AFAP1: variants seen among roughly 807,000 people sequenced by gnomAD.
AFAP1 encodes actin filament-associated protein 1.
AFAP1 carries 75 observed loss-of-function variants against 93.9 expected under a neutral mutation model. The ratio of observed to expected loss-of-function variants is 0.80; its 90% CI spans 0.66 to 0.97. The LOEUF is 0.97. Among genes scored for constraint, AFAP1 ranks in the 50% least tolerant of loss-of-function variants. The pLI, the probability that AFAP1 is intolerant of heterozygous loss-of-function variation, is 0.00. For missense variants in AFAP1, 1,201 were observed against 1,050.8 expected, an observed-to-expected ratio of 1.14 and a Z score of -1.98; for synonymous variants, 517 against 430.7, an observed-to-expected ratio of 1.20 and a Z score of -2.48.
At chr4:7,808,275 G>T (rs1224345425) in intron 9 of AFAP1, among the ~76,000 whole-genome samples, 1 of 152,294 alleles carries the variant, frequency 6.6e-6, no homozygotes, top group African/African-American at 2.4e-5. Flanking sequence ...ATTCCGGATG[G>T]AAACTCTCAC....
At chr4:7,771,148 T>G (rs1412567145) in intron 16 of AFAP1, among the ~76,000 whole-genome samples, 1 of 152,228 alleles carries the variant, frequency 6.6e-6, no homozygotes, top group Non-Finnish European at 1.5e-5. Flanking sequence ...CATGAGAAGA[T>G]AAGCTCCATG....
intron 17 of AFAP1, among the ~76,000 whole-genome samples, chr4:7,767,807 C>A (rs1016215932): frequency 4.6e-5 from 7 of 152,306 alleles, no homozygotes; most frequent in African/African-American, 9.6e-5. Context: ...AAGCTGGGCG[C>A]AGTGGCTCAC....
rs368550926 is a variant in AFAP1 at position 7,781,558 on chromosome 4, C to T, written c.1600G>A (p.Ala534Thr). 1.7e-4 allele frequency: 269 copies of T among 1,551,922 alleles called. No individual in the cohort carries two copies. Among genetic ancestry groups the T allele is most frequent in the Non-Finnish European group, 2.0e-4 (232 of 1,147,060 alleles). The change falls in exon 13 of 18, where the codon GCA becomes ACA. Residue 534 changes from alanine (A) to threonine (T), a missense_variant. Transcript: ENST00000420658. ...GGCGGCAAGTTATCGTACAGGCCTG[C>T]GTTATCATAAAGCACCTCTTCTCCC... The part of the protein sequence containing the change: ...GLGEEVLYDN[A>T]GLYDNLPPPH...
chr4:7,789,113 G>C (rs1717586194), intron 11 of AFAP1: 1 of 152,484 alleles, frequency 6.6e-6, no homozygotes, highest in African/African-American at 2.4e-5. Context: ...ACCCTACAGA[G>C]AGGGACCTGG....
Position 7,939,697 on chromosome 4 carries a change from C to A in AFAP1, c.-44G>T, listed in dbSNP as rs866429080. ...GCAGCGCTCGCTCCTCGCCGCGGCGCCTGGGCCGACTGGAGCGCAGCTGAA... is the reference window on the plus strand; with the variant it reads ...GCAGCGCTCGCTCCTCGCCGCGGCGACTGGGCCGACTGGAGCGCAGCTGAA... On this transcript the variant is annotated 5_prime_UTR_variant, in exon 1 of 18. Transcript: ENST00000420658. The surrounding 1 kb of genome is among the most constrained non-coding windows in gnomAD (Gnocchi z 5.6). 1 of 416,758 alleles carries A rather than the reference C, an allele frequency of 2.4e-6. No homozygotes were observed. Among genetic ancestry groups the A allele is most frequent in the East Asian group, 1.1e-4 (1 of 8,846 alleles). 25.8% of individuals were successfully genotyped at this position (416,758 alleles called of 1,614,324 possible).
In AFAP1 at chr4:7,874,530, ATT is replaced by A. The variant is rs71175435; in HGVS notation, c.-2-2452_-2-2451del. On this transcript the variant is annotated intron_variant, in intron 1 of 17. Coordinates refer to ENST00000420658, the MANE Select transcript of AFAP1 (RefSeq NM_001134647.2). ...AGGCACCTACCACCATGCCCAGCTAATTTTTTTTTTTTTTTTTTTTTTTTTTT... is the reference window on the plus strand; with the variant it reads ...AGGCACCTACCACCATGCCCAGCTAATTTTTTTTTTTTTTTTTTTTTTTTT... 7.2e-3 allele frequency among the ~76,000 whole-genome samples: 372 copies of A among 51,428 alleles called. 3 individuals carry two copies. Among genetic ancestry groups the A allele is most frequent in the African/African-American group, 0.038 (347 of 9,014 alleles). The allele number at this position is 51,428 out of a possible 152,430, so 33.7% of individuals were successfully genotyped here. A position where few individuals can be genotyped will look rare whatever the true frequency, so the allele number is the denominator to read the frequency against.
At chr4:7,919,833 CCCCT>C (rs1250835394) in intron 1 of AFAP1, among the ~76,000 whole-genome samples, 1 of 148,600 alleles carries the variant, frequency 6.7e-6, no homozygotes, top group Non-Finnish European at 1.5e-5. Context: ...GTGTGTTGTT[CCCCT>C]CCCTGTGTCC....
intron 3 of AFAP1, among the ~76,000 whole-genome samples, chr4:7,858,592 G>C (rs1162092475): frequency 6.6e-6 from 1 of 152,126 alleles, no homozygotes; most frequent in African/African-American, 2.4e-5. Flanking sequence ...AATTGTAAAA[G>C]GTACACAACA....
intron 1 of AFAP1, among the ~76,000 whole-genome samples, chr4:7,881,723 G>A (rs1295320660): frequency 6.6e-6 from 1 of 151,932 alleles, no homozygotes; most frequent in Admixed American, 6.6e-5. Flanking sequence ...GTGGATTGCA[G>A]TGTGCCAAGA....
Position 7,868,660 on chromosome 4 carries a change from G to C in AFAP1, c.187C>G (p.Pro63Ala). Residue 63 changes from proline (P) to alanine (A), a missense_variant, in exon 3 of 18, where the codon CCT (proline) becomes GCT (alanine). Physicochemically the swap from Pro to Ala is conservative, Grantham distance 27 (BLOSUM62 -1). Coordinates refer to ENST00000420658, the MANE Select transcript of AFAP1 (RefSeq NM_001134647.2). Reference protein sequence around the residue: ...QETANSLPAPPQMPLPEIPQP... With the variant: ...QETANSLPAPAQMPLPEIPQP... Reference sequence around the variant, plus strand: ...GGGATCTCCGGCAGGGGCATCTGAGGAGGGGCTGGCAGGCTGTTAGCGGTC... The same window carrying C: ...GGGATCTCCGGCAGGGGCATCTGAGCAGGGGCTGGCAGGCTGTTAGCGGTC... 6.2e-7 allele frequency: 1 copy of C among 1,613,328 alleles called. No homozygotes were observed. The highest frequency in any genetic ancestry group is 2.2e-5 in the East Asian group (1 of 44,876).
intron 11 of AFAP1, among the ~76,000 whole-genome samples, chr4:7,787,620 C>T (rs1182746979): frequency 2.0e-5 from 3 of 152,248 alleles, no homozygotes; most frequent in Admixed American, 1.3e-4. Flanking sequence ...AATTGCTGGG[C>T]ATGGGAAAGA....
chr4:7,836,401 A>C (rs895981786), intron 6 of AFAP1, among the ~76,000 whole-genome samples: 4 of 152,220 alleles, frequency 2.6e-5, no homozygotes, highest in African/African-American at 9.7e-5. Context: ...TGGCTGCCTA[A>C]GAAGAACAGG....
chr4:7,801,935 A>AAAAAAC (rs1560167833), intron 9 of AFAP1, among the ~76,000 whole-genome samples: 2 of 151,136 alleles, frequency 1.3e-5, no homozygotes, highest in African/African-American at 2.4e-5. Context: ...AAAAAAAAAA[A>AAAAAAC]AAAAAAACTA....
chr4:7,858,938 G>A (rs1009486782), intron 3 of AFAP1, among the ~76,000 whole-genome samples: 12 of 152,192 alleles, frequency 7.9e-5, no homozygotes, highest in African/African-American at 1.9e-4. Flanking sequence ...GATAAAGGAC[G>A]TGCGAATCTC....
chr4:7,825,632 G>A (rs1428258498), intron 6 of AFAP1, among the ~76,000 whole-genome samples: 1 of 151,902 alleles, frequency 6.6e-6, no homozygotes, highest in East Asian at 1.9e-4. Context: ...CATGCATAAG[G>A]AAAAAAGGCT....
chr4:7,845,197 G>T (rs538305976), intron 4 of AFAP1, among the ~76,000 whole-genome samples: 1 of 152,182 alleles, frequency 6.6e-6, no homozygotes. Context: ...CAAGGCGGGC[G>T]AATCACTTGA....
intron 4 of AFAP1, among the ~76,000 whole-genome samples, chr4:7,844,845 C>T: frequency 6.6e-6 from 1 of 152,212 alleles, no homozygotes; most frequent in Non-Finnish European, 1.5e-5. Flanking sequence ...CCTCAGCCCC[C>T]AGAATCATCT....
At chr4:7,884,838 A>G (rs1216684040) in intron 1 of AFAP1, among the ~76,000 whole-genome samples, 3 of 152,216 alleles carry the variant, frequency 2.0e-5, no homozygotes, top group Admixed American at 2.0e-4. Context: ...TGTGCCTACA[A>G]AAAGTATGAG....
At chr4:7,771,919 C>T (rs933746415) in intron 16 of AFAP1, among the ~76,000 whole-genome samples, 4 of 152,072 alleles carry the variant, frequency 2.6e-5, no homozygotes, top group African/African-American at 4.8e-5. Context: ...ACAGGCTGTG[C>T]GGGTGGTGCC....
Sources: gnomAD v4.1 joint callset for allele counts (sites outside exome capture counted in the v4.1 genomes callset) on GRCh38, gnomAD v4.1.1 for gene constraint, Gnocchi (gnomAD v3.1) non-coding constraint, MANE v1.5 for transcripts, NCBI Gene and HGNC (gene_info 2026-07-23, HGNC 2026-07-21) for gene names.